PAX3: variants seen among roughly 807,000 people sequenced by gnomAD.
The protein encoded by PAX3 is paired box 3, also known as paired box protein Pax-3.
PAX3 carries 14 observed loss-of-function variants against 51.6 expected under a neutral mutation model. That is an observed-to-expected ratio of 0.27 (90% confidence interval 0.18 to 0.42). The LOEUF (loss-of-function observed/expected upper bound fraction) is 0.42, where lower values mean the gene tolerates loss of function less well. Ranked by LOEUF, PAX3 falls within the 10% of genes least tolerant of loss-of-function variation. PAX3 has a pLI of 1.00. For missense variants in PAX3, 540 were observed against 642.8 expected (o/e 0.84, Z 1.73); for synonymous variants, 280 against 253.4 (o/e 1.11, Z -1.00).
chr2:222,245,584 A>T (rs188945945), intron 4 of PAX3, among the ~76,000 whole-genome samples: 1 of 152,134 alleles, frequency 6.6e-6, no homozygotes, highest in African/African-American at 2.4e-5. Flanking sequence ...GCAGAACTGG[A>T]GGGAAATGAA....
At chr2:222,228,249 A>G (rs558243536) in intron 5 of PAX3, among the ~76,000 whole-genome samples, 11 of 152,194 alleles carry the variant, frequency 7.2e-5, no homozygotes, top group Non-Finnish European at 1.0e-4. Context: ...CAAGGGAACT[A>G]AAGAAGCCAT....
chr2:222,260,476 T>G lies in PAX3; in HGVS notation c.587-28193A>C, dbSNP rs183840473. On this transcript the variant is annotated intron_variant, in intron 4 of 8. Coordinates refer to ENST00000392070, the MANE Select transcript of PAX3 (RefSeq NM_181458.4). ...CTTTAACTAAGAAATCAAACTCCCT[T>G]TCATTTACACATGTCTCTATTTCAA... 1.2e-4 allele frequency among the ~76,000 whole-genome samples: 18 copies of G among 151,706 alleles called. No individual in the cohort carries two copies. In the East Asian group the frequency reaches 3.5e-3, roughly 30 times the overall value.
intron 4 of PAX3, among the ~76,000 whole-genome samples, chr2:222,247,230 A>C (rs1693260881): frequency 6.6e-6 from 1 of 152,192 alleles, no homozygotes; most frequent in Non-Finnish European, 1.5e-5. Flanking sequence ...TGATAGAAGA[A>C]GCTAGAGCAG....
rs143190584 is a variant in PAX3 at position 222,204,758 on chromosome 2, G to T, written c.1174-2568C>A. The stretch of plus-strand genomic sequence containing the variant: ...GTCCAGAGAGGAAAGATATCCAGTG[G>T]CACTAAATAAAAGGAAAATAAACTC... On this transcript the variant is annotated intron_variant, in intron 7 of 8. Coordinates refer to ENST00000392070, the MANE Select transcript of PAX3 (RefSeq NM_181458.4). 5.1e-3 allele frequency among the ~76,000 whole-genome samples: 775 copies of T among 152,172 alleles called. 5 individuals carry two copies. The highest frequency in any genetic ancestry group is 7.4e-3 in the Non-Finnish European group (504 of 67,996).
chr2:222,216,639 C>A (rs1039424102), intron 7 of PAX3, among the ~76,000 whole-genome samples: 3 of 152,024 alleles, frequency 2.0e-5, no homozygotes, highest in Admixed American at 6.6e-5. Flanking sequence ...TAATTCCCAG[C>A]CTTTGCTCAA....
In PAX3 at chr2:222,298,819, G is replaced by A. The variant is rs545748266; in HGVS notation, c.-204C>T. ...CTGGAACCCGGGAAAGGGGAGGACGGGGAGGCCCCGGAGTCCAGGATCCCG... is the reference window on the plus strand; with the variant it reads ...CTGGAACCCGGGAAAGGGGAGGACGAGGAGGCCCCGGAGTCCAGGATCCCG... On this transcript the variant is annotated 5_prime_UTR_variant, in exon 1 of 9. Transcript: ENST00000392070. The A allele has an allele frequency of 3.1e-5, 19 of 615,712 alleles. No individual in the cohort carries two copies. Among genetic ancestry groups the A allele is most frequent in the African/African-American group, 7.3e-5 (4 of 54,582 alleles). The allele number at this position is 615,712 out of a possible 1,614,324, so 38.1% of individuals were successfully genotyped here.
intron 4 of PAX3, among the ~76,000 whole-genome samples, chr2:222,237,572 A>G (rs980912563): frequency 1.3e-5 from 2 of 152,212 alleles, no homozygotes; most frequent in Non-Finnish European, 2.9e-5. Flanking sequence ...ACTTATTTAA[A>G]TCTTTGTATG....
chr2:222,240,769 G>A (rs1242761077), intron 4 of PAX3, among the ~76,000 whole-genome samples: 1 of 152,172 alleles, frequency 6.6e-6, no homozygotes, highest in East Asian at 1.9e-4. Flanking sequence ...GGCTTCTTAT[G>A]TGTGTATATG....
At chr2:222,261,029 C>A (rs1014489961) in intron 4 of PAX3, among the ~76,000 whole-genome samples, 3 of 152,208 alleles carry the variant, frequency 2.0e-5, no homozygotes, top group Admixed American at 2.0e-4. Context: ...GCAGTGAGTG[C>A]AGTCTCAATG....
intron 4 of PAX3, among the ~76,000 whole-genome samples, chr2:222,234,488 A>T (rs759754241): frequency 2.6e-5 from 4 of 152,218 alleles, no homozygotes; most frequent in Non-Finnish European, 5.9e-5. Flanking sequence ...AAGCTAAACT[A>T]AATGAGCAAT....
rs12620338 is a variant in PAX3 at position 222,200,049 on chromosome 2, G to A, written c.*1359C>T. On this transcript the variant is annotated 3_prime_UTR_variant, in exon 9 of 9. Transcript: ENST00000392070. ...TAAGACCAATGCATGAACTAAATTC[G>A]GTACTATGTCTAGTCTCACTAACTC... is the stretch of plus-strand genomic sequence containing the variant. 0.16 allele frequency: 33,286 copies of A among 206,714 alleles called. 3,262 individuals carry two copies. Among genetic ancestry groups the A allele is most frequent in the South Asian group, 0.27 (1,447 of 5,290 alleles). 12.8% of individuals were successfully genotyped at this position (206,714 alleles called of 1,614,324 possible).
chr2:222,247,435 C>T (rs1276214345), intron 4 of PAX3, among the ~76,000 whole-genome samples: 1 of 152,092 alleles, frequency 6.6e-6, no homozygotes, highest in African/African-American at 2.4e-5. Flanking sequence ...GCTAAATGTG[C>T]TGCTTAGCAT....
chr2:222,229,222 T>C (rs1290149451), intron 5 of PAX3, among the ~76,000 whole-genome samples: 1 of 150,524 alleles, frequency 6.6e-6, no homozygotes, highest in African/African-American at 2.4e-5. Context: ...TATATTAATA[T>C]GCATGTTAAT....
chr2:222,281,583 T>C (rs1380093904), intron 4 of PAX3, among the ~76,000 whole-genome samples: 3 of 152,174 alleles, frequency 2.0e-5, no homozygotes, highest in Non-Finnish European at 4.4e-5. Flanking sequence ...CAAATTATTT[T>C]ATATGGTCTA....
At chr2:222,289,914 A>G (rs1288028837) in intron 4 of PAX3, among the ~76,000 whole-genome samples, 1 of 152,256 alleles carries the variant, frequency 6.6e-6, no homozygotes, top group Non-Finnish European at 1.5e-5. Flanking sequence ...TCGAAACGAC[A>G]TTGAAGTCAA....
At chr2:222,237,159 T>C (rs952270613) in intron 4 of PAX3, among the ~76,000 whole-genome samples, 1 of 152,076 alleles carries the variant, frequency 6.6e-6, no homozygotes, top group Admixed American at 6.6e-5. Flanking sequence ...AATTAGATAC[T>C]TATCCCACTG....
At chr2:222,201,861 G>T in intron 8 of PAX3, 83 bp downstream of exon 8, 1 of 1,611,704 alleles carries the variant, frequency 6.2e-7, no homozygotes, top group Non-Finnish European at 8.5e-7. Flanking sequence ...GCTTAATCTT[G>T]CCTCTAATTC....
At chr2:222,231,698 T>C (rs950996316) in intron 5 of PAX3, among the ~76,000 whole-genome samples, 2 of 152,222 alleles carry the variant, frequency 1.3e-5, no homozygotes, top group Non-Finnish European at 2.9e-5. Flanking sequence ...GTAGCAATCA[T>C]GGTACCCACC....
chr2:222,233,719 A>G (rs903192016), intron 4 of PAX3, among the ~76,000 whole-genome samples: 4 of 152,188 alleles, frequency 2.6e-5, no homozygotes, highest in African/African-American at 9.6e-5. Flanking sequence ...CCCTGAGCCT[A>G]GAGGGGGAAC....
Sources: gnomAD v4.1 joint callset for allele counts (sites outside exome capture counted in the v4.1 genomes callset) on GRCh38, gnomAD v4.1.1 for gene constraint, MANE v1.5 for transcripts, NCBI Gene and HGNC (gene_info 2026-07-23, HGNC 2026-07-21) for gene names.